MYOF: variants seen among roughly 807,000 people sequenced by gnomAD.
MYOF encodes myoferlin, also known as fer-1-like 3, myoferlin.
A neutral mutation model predicts 284.2 loss-of-function variants in MYOF; 244 were observed. The observed-to-expected ratio is 0.86, with a 90% CI of 0.77 to 0.95. The LOEUF is 0.95. MYOF is among the 40% of genes least tolerant of loss of function. The pLI, the probability that MYOF is intolerant of heterozygous loss-of-function variation, is 0.00. For missense variants in MYOF, 2,496 were observed against 2,560.6 expected, an observed-to-expected ratio of 0.97 and a Z score of 0.54; for synonymous variants, 904 against 919.7, an observed-to-expected ratio of 0.98 and a Z score of 0.31.
chr10:93,315,724 A>AGTT (rs1842586696), intron 50 of MYOF, among the ~76,000 whole-genome samples: 1 of 152,108 alleles, frequency 6.6e-6, no homozygotes, highest in African/African-American at 2.4e-5. Context: ...GAAAGGTGAG[A>AGTT]GTTGAAGCAT....
chr10:93,462,349 C>T (rs559010131), intron 1 of MYOF, among the ~76,000 whole-genome samples: 2 of 152,128 alleles, frequency 1.3e-5, no homozygotes, highest in African/African-American at 2.4e-5. Flanking sequence ...GGATTACAGG[C>T]GTGAGACACC....
At chr10:93,468,499 T>C (rs928275525) in intron 1 of MYOF, among the ~76,000 whole-genome samples, 3 of 152,246 alleles carry the variant, frequency 2.0e-5, no homozygotes, top group African/African-American at 7.2e-5. Flanking sequence ...CTGTCCTTCC[T>C]CGCTCCAAGA....
chr10:93,335,292 G>C (rs1295748175), intron 41 of MYOF, among the ~76,000 whole-genome samples: 1 of 152,156 alleles, frequency 6.6e-6, no homozygotes, highest in African/African-American at 2.4e-5. Context: ...AGGCAGGAGG[G>C]TGGAGTGTGT....
chr10:93,412,764 G>A (rs1847952545), intron 5 of MYOF, among the ~76,000 whole-genome samples: 1 of 152,176 alleles, frequency 6.6e-6, no homozygotes, highest in Non-Finnish European at 1.5e-5. Flanking sequence ...AATGGGAAGG[G>A]GAACAGGATC....
chr10:93,313,855 C>G (rs1276635611), intron 50 of MYOF, among the ~76,000 whole-genome samples: 1 of 152,044 alleles, frequency 6.6e-6, no homozygotes, highest in African/African-American at 2.4e-5. Flanking sequence ...GAGCAGAGAT[C>G]GCACCATTGT....
At chr10:93,307,247 G>C (rs1409246943) in intron 53 of MYOF, among the ~76,000 whole-genome samples, 4 of 152,024 alleles carry the variant, frequency 2.6e-5, no homozygotes, top group African/African-American at 7.2e-5. Flanking sequence ...TGTCCTCTTG[G>C]GGGTGGGGAG....
chr10:93,451,532 C>T (rs1171687347), intron 3 of MYOF, among the ~76,000 whole-genome samples: 1 of 152,052 alleles, frequency 6.6e-6, no homozygotes, highest in Non-Finnish European at 1.5e-5. Flanking sequence ...CGGGCACCAC[C>T]GTGACCCTTC....
chr10:93,385,509 AG>A (rs1846321348), intron 19 of MYOF, among the ~76,000 whole-genome samples: 1 of 152,222 alleles, frequency 6.6e-6, no homozygotes, highest in African/African-American at 2.4e-5. Flanking sequence ...AAGACAGACA[AG>A]GGTCATGAGC....
At chr10:93,474,382 C>CT (rs2057214728) in intron 1 of MYOF, among the ~76,000 whole-genome samples, 1 of 152,168 alleles carries the variant, frequency 6.6e-6, no homozygotes, top group Non-Finnish European at 1.5e-5. Context: ...CCTGGAATGT[C>CT]TTTTTTCCAT....
intron 26 of MYOF, among the ~76,000 whole-genome samples, chr10:93,364,855 C>A (rs540481244): frequency 1.3e-4 from 19 of 151,882 alleles, no homozygotes; most frequent in Non-Finnish European, 2.5e-4. Context: ...GGAAAGGAAT[C>A]AAAAAAACAA....
intron 3 of MYOF, among the ~76,000 whole-genome samples, chr10:93,436,360 C>T (rs145923273): frequency 1.3e-5 from 2 of 152,182 alleles, no homozygotes; most frequent in African/African-American, 4.8e-5. Flanking sequence ...AAAGGCTAAC[C>T]TCAATTTCTT....
intron 3 of MYOF, among the ~76,000 whole-genome samples, chr10:93,443,466 C>CTGTG (rs1318294921): frequency 1.7e-5 from 2 of 116,398 alleles, no homozygotes; most frequent in African/African-American, 6.5e-5. Context: ...CTCTCTCTCT[C>CTGTG]TCTCTCTGTG....
Position 93,328,950 on chromosome 10 carries a change from C to T in MYOF, c.4983-39G>A, listed in dbSNP as rs1161041393. 1.9e-6 allele frequency: 3 copies of T among 1,561,642 alleles called. No homozygotes were observed. In the South Asian group the frequency reaches 3.5e-5, roughly 18 times the overall value. The stretch of plus-strand genomic sequence containing the variant: ...CACGTGGCTCGGAGTTACGGAGGAG[C>T]CTGCAGGTTCTTCTCAGATTCACAC... On this transcript the variant is annotated intron_variant, in intron 44 of 53. Coordinates refer to ENST00000359263, the MANE Select transcript of MYOF (RefSeq NM_013451.4).
At chr10:93,379,732 C>G in intron 21 of MYOF, 131 bp downstream of exon 21, 2 of 1,175,044 alleles carry the variant, frequency 1.7e-6, no homozygotes, top group Non-Finnish European at 2.4e-6. Context: ...TCCACTGTTC[C>G]TAGAGACATT....
In MYOF at chr10:93,334,445, C is replaced by G. The variant is rs1843503495; in HGVS notation, c.4564-532G>C. Among the ~76,000 whole-genome samples the G allele has an allele frequency of 2.0e-5, 3 of 151,898 alleles. No individual in the cohort carries two copies. In the South Asian group the frequency reaches 6.2e-4, roughly 32 times the overall value. ...CATCCAACCCCATACTCACCCCTGG[C>G]ACAGCACTGGCCTCTGCATTGAGAT... On this transcript the variant is annotated intron_variant, in intron 41 of 53. Transcript: ENST00000359263.
chr10:93,438,931 CTT>C (rs972242778), intron 3 of MYOF, among the ~76,000 whole-genome samples: 2 of 152,188 alleles, frequency 1.3e-5, no homozygotes, highest in African/African-American at 2.4e-5. Context: ...CCTTGCGGCT[CTT>C]TTCCTGCTCA....
Position 93,328,798 on chromosome 10 carries a change from C to G in MYOF, c.5096G>C (p.Arg1699Thr). The G allele has an allele frequency of 3.1e-6, 5 of 1,613,604 alleles. No homozygotes were observed. The highest frequency in any genetic ancestry group is 4.2e-6 in the Non-Finnish European group (5 of 1,179,554). Residue 1699 changes from arginine to threonine, a missense_variant, in exon 45 of 54, where the codon AGA (arginine) becomes ACA (threonine). Coordinates refer to ENST00000359263, the MANE Select transcript of MYOF (RefSeq NM_013451.4). ...PILSEDGSRI[R>T]YGGRDYSLDE... ...CAAGCTGTAGTCTCGTCCTCCATAT[C>G]TGATTCTACTCCCATCTTCGGAAAG...
intron 26 of MYOF, among the ~76,000 whole-genome samples, chr10:93,364,832 A>G (rs963760619): frequency 6.6e-6 from 1 of 151,962 alleles, no homozygotes; most frequent in Non-Finnish European, 1.5e-5. Context: ...ATTCTCCCCT[A>G]GAATCCAGCA....
intron 17 of MYOF, among the ~76,000 whole-genome samples, chr10:93,391,412 C>T (rs747364300): frequency 2.6e-5 from 4 of 151,276 alleles, no homozygotes; most frequent in Non-Finnish European, 4.4e-5. Context: ...GCCAACATGG[C>T]GAAACCCCAT....
Sources: allele counts gnomAD v4.1 joint callset (sites outside exome capture counted in the v4.1 genomes callset), GRCh38; gene constraint gnomAD v4.1.1; transcripts MANE v1.5; gene names NCBI Gene and HGNC (gene_info 2026-07-23, HGNC 2026-07-21).